Variants in CAP2 observed in about 807,000 individuals in gnomAD.
CAP2 encodes cyclase associated actin cytoskeleton regulatory protein 2, also known as adenylyl cyclase-associated protein 2.
CAP2 carries 24 observed loss-of-function variants against 57.7 expected under a neutral mutation model. The observed-to-expected ratio is 0.42, with a 90% CI of 0.30 to 0.58. The LOEUF is 0.58. CAP2 is among the 20% of genes least tolerant of loss of function. The probability of loss-of-function intolerance (pLI) is 0.22; values close to 1 mark genes in which losing one functional copy is unlikely to be tolerated. For missense variants in CAP2, 501 were observed against 590.3 expected (o/e 0.85, Z 1.57); for synonymous variants, 194 against 207.2 (o/e 0.94, Z 0.55).
intron 3 of CAP2, among the ~76,000 whole-genome samples, chr6:17,452,558 G>T (rs903359105): frequency 4.6e-5 from 7 of 152,132 alleles, no homozygotes; most frequent in African/African-American, 7.2e-5. Flanking sequence ...GGGCAGTTTG[G>T]ATGTTGGTTT....
intron 6 of CAP2, among the ~76,000 whole-genome samples, chr6:17,510,114 GT>G (rs910140290): frequency 2.6e-4 from 40 of 151,608 alleles, no homozygotes; most frequent in Admixed American, 4.0e-4. Context: ...TAAAATTTAA[GT>G]TTTTTTTTAA....
Position 17,507,704 on chromosome 6 carries a change from G to A in CAP2, c.508G>A (p.Val170Ile), listed in dbSNP as rs142527859. The stretch of plus-strand genomic sequence containing the variant: ...CGCTGCCACCTTTTACACTAACAGG[G>A]TCTTAAAGGACTACAAACACAGGTA... ...NDAATFYTNR[V>I]LKDYKHSDLR... The change falls in exon 6 of 13, where the codon GTC becomes ATC. Residue 170 changes from valine to isoleucine, a missense_variant. By Grantham distance (29) the Val-to-Ile change is conservative. Transcript: ENST00000229922. 169 of 1,604,694 alleles carry A rather than the reference G, an allele frequency of 1.1e-4. 1 individual carries two copies. Among genetic ancestry groups the A allele is most frequent in the Middle Eastern group, 3.3e-4 (2 of 5,982 alleles).
intron 7 of CAP2, among the ~76,000 whole-genome samples, chr6:17,526,745 G>T (rs1762519821): frequency 6.6e-6 from 1 of 151,690 alleles, no homozygotes; most frequent in Non-Finnish European, 1.5e-5. Context: ...ATCCCCTGAG[G>T]TCAGGAGTTC....
intron 2 of CAP2, among the ~76,000 whole-genome samples, chr6:17,424,557 C>G (rs533304979): frequency 4.6e-5 from 7 of 152,214 alleles, no homozygotes; most frequent in African/African-American, 1.7e-4. Flanking sequence ...TTGCGCTCAA[C>G]AGTTGAAGTA....
chr6:17,446,904 C>T (rs56706176), intron 3 of CAP2, among the ~76,000 whole-genome samples: 6,798 of 152,218 alleles, frequency 0.045, 528 homozygotes, highest in African/African-American at 0.15. Flanking sequence ...TGGGAATCCA[C>T]GGGGAATGAG....
At chr6:17,497,019 C>T (rs571478041) in intron 4 of CAP2, among the ~76,000 whole-genome samples, 13 of 152,270 alleles carry the variant, frequency 8.5e-5, no homozygotes, top group Admixed American at 3.9e-4. Flanking sequence ...GTAGAGACAA[C>T]AGATGAAAAC....
chr6:17,500,340 AATATATATATATATATATATATATAT>A lies in CAP2; in HGVS notation c.301-6810_301-6785del, dbSNP rs4052821. 9.2e-3 allele frequency among the ~76,000 whole-genome samples: 305 copies of A among 33,076 alleles called. 15 individuals are homozygous for A. Among genetic ancestry groups the A allele is most frequent in the African/African-American group, 0.02 (256 of 12,760 alleles). The allele number at this position is 33,076 out of a possible 152,430, so 21.7% of individuals were successfully genotyped here. On this transcript the variant is annotated intron_variant, in intron 4 of 12. Transcript: ENST00000229922. ...GTCCAAATATATATGTGTGTGTCCA[AATATATATATATATATATATATATAT>A]ATATATATATATATATATTTGGAGA...
intron 1 of CAP2, among the ~76,000 whole-genome samples, chr6:17,405,254 G>A (rs1051390849): frequency 2.0e-5 from 3 of 151,732 alleles, no homozygotes; most frequent in African/African-American, 4.8e-5. Flanking sequence ...TGGTATAGAC[G>A]CTTGTTAATC....
At chr6:17,446,910 A>G (rs1474190233) in intron 3 of CAP2, among the ~76,000 whole-genome samples, 1 of 152,220 alleles carries the variant, frequency 6.6e-6, no homozygotes, top group Non-Finnish European at 1.5e-5. Context: ...TCCACGGGGA[A>G]TGAGGAACCA....
intron 4 of CAP2, among the ~76,000 whole-genome samples, chr6:17,490,846 T>A (rs966291250): frequency 6.6e-6 from 1 of 152,202 alleles, no homozygotes; most frequent in Admixed American, 6.5e-5. Flanking sequence ...TGCCAACCAC[T>A]ATAAAGGATC....
intron 3 of CAP2, among the ~76,000 whole-genome samples, chr6:17,449,011 C>T (rs139451458): frequency 6.6e-6 from 1 of 152,350 alleles, no homozygotes. Flanking sequence ...ATCCACCCGC[C>T]TTGGGCTCCC....
chr6:17,399,040 C>T (rs1758742923), intron 1 of CAP2, among the ~76,000 whole-genome samples: 1 of 152,018 alleles, frequency 6.6e-6, no homozygotes, highest in Non-Finnish European at 1.5e-5. Context: ...GTACCTTATA[C>T]AATATTTGTC....
chr6:17,524,460 T>G (rs1478353995), intron 7 of CAP2, among the ~76,000 whole-genome samples: 1 of 152,128 alleles, frequency 6.6e-6, no homozygotes, highest in Non-Finnish European at 1.5e-5. Flanking sequence ...AGGCGAGAAT[T>G]CAAGGGTGAG....
At chr6:17,399,357 C>G (rs928911474) in intron 1 of CAP2, among the ~76,000 whole-genome samples, 2 of 152,186 alleles carry the variant, frequency 1.3e-5, no homozygotes, top group African/African-American at 4.8e-5. Context: ...GCCACCACGC[C>G]CGGCCTACAT....
At chr6:17,555,066 T>C (rs1191147921) in intron 12 of CAP2, among the ~76,000 whole-genome samples, 1 of 152,218 alleles carries the variant, frequency 6.6e-6, no homozygotes, top group Non-Finnish European at 1.5e-5. Context: ...ATAAAACCTT[T>C]CTACTCCATG....
Position 17,556,476 on chromosome 6 carries a change from C to G in CAP2, c.*34C>G, listed in dbSNP as rs760020625. On this transcript the variant is annotated 3_prime_UTR_variant, in exon 13 of 13. Coordinates refer to ENST00000229922, the MANE Select transcript of CAP2 (RefSeq NM_006366.3). ...GAGACCGAACCCCCTCACCTGAATC[C>G]CCCTCTATCAAACAAACAAAAAAGC... 6.3e-6 allele frequency: 9 copies of G among 1,430,206 alleles called. No individual in the cohort carries two copies. Among genetic ancestry groups the G allele is most frequent in the Non-Finnish European group, 8.9e-6 (9 of 1,012,210 alleles). The allele number at this position is 1,430,206 out of a possible 1,614,324, so 88.6% of individuals were successfully genotyped here.
chr6:17,468,004 G>A (rs930706430), intron 4 of CAP2, among the ~76,000 whole-genome samples: 1 of 151,806 alleles, frequency 6.6e-6, no homozygotes, highest in African/African-American at 2.4e-5. Flanking sequence ...CTTCTACTCT[G>A]TATGTCAATG....
intron 3 of CAP2, among the ~76,000 whole-genome samples, chr6:17,446,719 G>A (rs1760268225): frequency 6.6e-6 from 1 of 152,166 alleles, no homozygotes; most frequent in African/African-American, 2.4e-5. Context: ...TCAGAAGAGG[G>A]GAAAAGGAAT....
chr6:17,545,300 G>A (rs1763015000), intron 11 of CAP2, among the ~76,000 whole-genome samples: 1 of 152,086 alleles, frequency 6.6e-6, no homozygotes, highest in African/African-American at 2.4e-5. Flanking sequence ...AGCTTAGGTA[G>A]CAATGGTGAA....
Sources: gnomAD v4.1 joint callset for allele counts (sites outside exome capture counted in the v4.1 genomes callset) on GRCh38, gnomAD v4.1.1 for gene constraint, MANE v1.5 for transcripts, NCBI Gene and HGNC (gene_info 2026-07-23, HGNC 2026-07-21) for gene names.